CASR: variants seen among roughly 807,000 people sequenced by gnomAD.
CASR encodes extracellular calcium-sensing receptor.
CASR carries 23 observed loss-of-function variants against 69.1 expected under a neutral mutation model. The observed-to-expected ratio is 0.33, with a 90% confidence interval of 0.24 to 0.47. The LOEUF (loss-of-function observed/expected upper bound fraction) is 0.47, where lower values mean the gene tolerates loss of function less well. CASR is among the 20% of genes least tolerant of loss of function. CASR has a pLI of 1.00. For missense variants in CASR, 924 were observed against 1,356.1 expected (o/e 0.68, Z 5.00); for synonymous variants, 541 against 544.7 (o/e 0.99, Z 0.10).
intron 1 of CASR, among the ~76,000 whole-genome samples, chr3:122,228,701 A>G (rs1157672271): frequency 6.6e-6 from 1 of 152,202 alleles, no homozygotes; most frequent in Admixed American, 6.5e-5. Flanking sequence ...ACACACTTAC[A>G]TGTGTTAGTA....
chr3:122,198,073 G>T lies in CASR; in HGVS notation c.-243+14261G>T, dbSNP rs2073907457. On this transcript the variant is annotated intron_variant, in intron 1 of 6. Coordinates refer to ENST00000639785, the MANE Select transcript of CASR (RefSeq NM_000388.4). ...CTTTAGGTCATAATTGATTATAGAA[G>T]GAATAATTAACCTCAGGAGATAAAA... 2.0e-5 allele frequency among the ~76,000 whole-genome samples: 3 copies of T among 152,076 alleles called. No individual in the cohort carries two copies. In the South Asian group the frequency reaches 6.2e-4, roughly 32 times the overall value.
intron 3 of CASR, chr3:122,257,608 T>G (rs1006071818): frequency 4.8e-5 from 25 of 521,120 alleles, no homozygotes; most frequent in Non-Finnish European, 8.1e-5. Flanking sequence ...TTCTTTTAAA[T>G]GTACCTTGCA....
intron 1 of CASR, among the ~76,000 whole-genome samples, chr3:122,229,473 G>A (rs2074259631): frequency 6.6e-6 from 1 of 152,192 alleles, no homozygotes; most frequent in African/African-American, 2.4e-5. Flanking sequence ...TTAAAATTCT[G>A]CATAATTTGG....
At chr3:122,262,526 T>A in intron 4 of CASR, 114 bp downstream of exon 4, 1 of 893,640 alleles carries the variant, frequency 1.1e-6, no homozygotes, top group Non-Finnish European at 1.8e-6. Flanking sequence ...ATGAAGCCAC[T>A]AAATGGAGCT....
At chr3:122,186,377 T>C (rs920682303) in intron 1 of CASR, among the ~76,000 whole-genome samples, 1 of 151,932 alleles carries the variant, frequency 6.6e-6, no homozygotes, top group African/African-American at 2.4e-5. Context: ...AGGGTAGGGG[T>C]ATAATGAAGA....
intron 4 of CASR, among the ~76,000 whole-genome samples, chr3:122,275,457 T>C (rs2074806118): frequency 6.6e-6 from 1 of 152,248 alleles, no homozygotes; most frequent in Non-Finnish European, 1.5e-5. Flanking sequence ...GGATGGACTC[T>C]GGCTTATAAA....
intron 4 of CASR, among the ~76,000 whole-genome samples, chr3:122,268,859 A>G (rs1186344948): frequency 2.0e-5 from 3 of 152,212 alleles, no homozygotes; most frequent in Admixed American, 6.5e-5. Flanking sequence ...ACTCTCACAC[A>G]AGAAACCACA....
rs1304273709 is a variant in CASR at position 122,204,211 on chromosome 3, G to C, written c.-243+20399G>C. ...TGTCTTATTTATTTTATCAAACCTTGTATTTGTACCCATTAATCAAGTTCT... is the reference window on the plus strand; with the variant it reads ...TGTCTTATTTATTTTATCAAACCTTCTATTTGTACCCATTAATCAAGTTCT... On this transcript the variant is annotated intron_variant, in intron 1 of 6. Coordinates refer to ENST00000639785, the MANE Select transcript of CASR (RefSeq NM_000388.4). 2.0e-5 allele frequency among the ~76,000 whole-genome samples: 3 copies of C among 151,994 alleles called. No individual in the cohort carries two copies. The East Asian group carries it at 5.8e-4, about 29-fold the overall frequency.
rs141522130 is a variant in CASR, at chr3:122,283,814, C to T, written c.1860C>T (p.Ala620=). 1.1e-5 allele frequency: 17 copies of T among 1,614,028 alleles called. No individual in the cohort carries two copies. The highest frequency in any genetic ancestry group is 4.4e-5 in the South Asian group (4 of 91,076). ...TTGGGATCGCACTCACCCTCTTTGC[C>T]GTGCTGGGCATTTTCCTGACAGCCT... ...EPFGIALTLF[A]VLGIFLTAFV... is the part of the protein sequence containing the mutation. Residue 620 remains alanine, a synonymous_variant, in exon 7 of 7, where the codon GCC becomes GCT. Transcript: ENST00000639785.
chr3:122,220,026 A>G (rs2074155383), intron 1 of CASR, among the ~76,000 whole-genome samples: 1 of 152,230 alleles, frequency 6.6e-6, no homozygotes, highest in African/African-American at 2.4e-5. Context: ...CTGCATGCAC[A>G]TATATGTAAG....
intron 1 of CASR, among the ~76,000 whole-genome samples, chr3:122,216,351 G>A (rs1266575467): frequency 1.3e-5 from 2 of 152,186 alleles, no homozygotes; most frequent in African/African-American, 2.4e-5. Flanking sequence ...ATCATAGAAG[G>A]CAGGCAGGAC....
intron 4 of CASR, among the ~76,000 whole-genome samples, chr3:122,269,873 G>T (rs765979317): frequency 2.6e-5 from 4 of 152,060 alleles, no homozygotes; most frequent in African/African-American, 7.2e-5. Context: ...ATGGAGTCTT[G>T]CTCTGTCACC....
At chr3:122,231,758 CA>C (rs11287887) in intron 1 of CASR, among the ~76,000 whole-genome samples, 105,781 of 147,214 alleles carry the variant, frequency 0.72, 38,731 homozygotes, top group Admixed American at 0.81. Context: ...CTCCCACTCA[CA>C]AAAAAAAAAA....
chr3:122,185,163 G>A (rs1280798832), intron 1 of CASR, among the ~76,000 whole-genome samples: 1 of 152,138 alleles, frequency 6.6e-6, no homozygotes, highest in Non-Finnish European at 1.5e-5. Flanking sequence ...ACATGCATAT[G>A]TTTCTTTTTT....
At chr3:122,202,211 GCTGGAGACCAGCC>G (rs1405268320) in intron 1 of CASR, among the ~76,000 whole-genome samples, 2 of 152,276 alleles carry the variant, frequency 1.3e-5, no homozygotes, top group African/African-American at 4.8e-5. Context: ...GCAGCTAGGA[GCTGGAGACCAGCC>G]CGGCCAACAC....
intron 1 of CASR, among the ~76,000 whole-genome samples, chr3:122,250,787 T>C (rs1311325817): frequency 6.6e-6 from 1 of 152,236 alleles, no homozygotes; most frequent in Non-Finnish European, 1.5e-5. Flanking sequence ...TTTCAGACAC[T>C]GTACGAAGTA....
intron 4 of CASR, among the ~76,000 whole-genome samples, chr3:122,268,790 A>AGC (rs2074722682): frequency 6.6e-6 from 1 of 152,254 alleles, no homozygotes; most frequent in African/African-American, 2.4e-5. Context: ...ACAGTAACAC[A>AGC]GTACCTAGAT....
chr3:122,261,414 G>A, intron 3 of CASR, 114 bp from the exon 4 acceptor site: 1 of 892,180 alleles, frequency 1.1e-6, no homozygotes, highest in Non-Finnish European at 1.9e-6. Context: ...CAGCATAGTT[G>A]ATAAATGAGA....
intron 1 of CASR, among the ~76,000 whole-genome samples, chr3:122,248,484 C>A (rs894388438): frequency 6.6e-6 from 1 of 151,926 alleles, no homozygotes; most frequent in Admixed American, 6.6e-5. Flanking sequence ...ATCATTGTGA[C>A]GAAAGAGAGT....
Sources: allele counts gnomAD v4.1 joint callset (sites outside exome capture counted in the v4.1 genomes callset), GRCh38; gene constraint gnomAD v4.1.1; transcripts MANE v1.5; gene names NCBI Gene and HGNC (gene_info 2026-07-23, HGNC 2026-07-21).